CTNNA3: variants seen among roughly 807,000 people sequenced by gnomAD.
CTNNA3 encodes catenin alpha-3.
Under a neutral mutation model 95.7 loss-of-function variants are expected in CTNNA3, and 76 were observed. The ratio of observed to expected loss-of-function variants is 0.79; its 90% CI spans 0.66 to 0.96. The LOEUF is 0.96. CTNNA3 is among the 40% of genes least tolerant of loss of function. The probability of loss-of-function intolerance (pLI) is 0.00; values close to 1 mark genes in which losing one functional copy is unlikely to be tolerated. For synonymous variants in CTNNA3, 431 were observed against 374.4 expected (o/e 1.15, Z -1.74); for missense variants, 1,191 against 1,089.8 (o/e 1.09, Z -1.31).
At chr10:67,665,112 A>C (rs548764468) in intron 1 of CTNNA3, among the ~76,000 whole-genome samples, 1 of 152,308 alleles carries the variant, frequency 6.6e-6, no homozygotes, top group East Asian at 1.9e-4. Flanking sequence ...TTTTTAAATG[A>C]GCTGATGTAA....
At chr10:67,309,013 G>T (rs1218424809) in intron 5 of CTNNA3, among the ~76,000 whole-genome samples, 1 of 151,940 alleles carries the variant, frequency 6.6e-6, no homozygotes, top group East Asian at 1.9e-4. Flanking sequence ...TCATATAATT[G>T]TGACTGCTGA....
At chr10:66,772,266 A>C (rs1326177413) in intron 8 of CTNNA3, among the ~76,000 whole-genome samples, 1 of 151,924 alleles carries the variant, frequency 6.6e-6, no homozygotes, top group African/African-American at 2.4e-5. Context: ...TCTACTAAAA[A>C]TACAAAAAAG....
At chr10:66,939,415 T>C (rs750217922) in intron 7 of CTNNA3, among the ~76,000 whole-genome samples, 1 of 152,144 alleles carries the variant, frequency 6.6e-6, no homozygotes, top group African/African-American at 2.4e-5. Context: ...AAAAGGAAAA[T>C]ACTAATAGTT....
intron 13 of CTNNA3, among the ~76,000 whole-genome samples, chr10:66,136,631 C>T (rs1428020217): frequency 1.3e-5 from 2 of 152,026 alleles, no homozygotes; most frequent in African/African-American, 2.4e-5. Flanking sequence ...GTAGCATTTG[C>T]CAATTCTTGC....
At chr10:66,497,617 T>C (rs1004301522) in intron 11 of CTNNA3, among the ~76,000 whole-genome samples, 2 of 152,080 alleles carry the variant, frequency 1.3e-5, no homozygotes, top group African/African-American at 4.8e-5. Context: ...ATAGGGCTAA[T>C]GTTTCATTTA....
intron 11 of CTNNA3, among the ~76,000 whole-genome samples, chr10:66,424,710 T>A (rs1039534895): frequency 1.3e-5 from 2 of 152,176 alleles, no homozygotes; most frequent in African/African-American, 4.8e-5. Context: ...TAATATGTAG[T>A]CAACTTTCAT....
intron 13 of CTNNA3, among the ~76,000 whole-genome samples, chr10:66,111,297 C>T (rs2082111086): frequency 6.6e-6 from 1 of 152,162 alleles, no homozygotes; most frequent in African/African-American, 2.4e-5. Flanking sequence ...TTGTAAGTTT[C>T]CTGAGGCCCC....
intron 11 of CTNNA3, among the ~76,000 whole-genome samples, chr10:66,519,215 AAACTT>A (rs1210832566): frequency 6.6e-6 from 1 of 152,164 alleles, no homozygotes; most frequent in Non-Finnish European, 1.5e-5. Flanking sequence ...AACACAAACA[AAACTT>A]GAATTATGCT....
At chr10:66,642,459 G>A (rs577132856) in intron 9 of CTNNA3, among the ~76,000 whole-genome samples, 1 of 152,110 alleles carries the variant, frequency 6.6e-6, no homozygotes, top group East Asian at 1.9e-4. Context: ...AGTATGAACC[G>A]CTGCCAAGAT....
chr10:67,089,459 G>C (rs1462502866), intron 7 of CTNNA3, among the ~76,000 whole-genome samples: 1 of 151,802 alleles, frequency 6.6e-6, no homozygotes. Context: ...TTAACCATTG[G>C]AATGCTAAAG....
At chr10:66,606,354 A>C (rs1224684953) in intron 10 of CTNNA3, among the ~76,000 whole-genome samples, 1 of 152,106 alleles carries the variant, frequency 6.6e-6, no homozygotes. Flanking sequence ...ACAGTATTAG[A>C]TCATTGAGGC....
At chr10:66,987,302 G>A (rs1319699774) in intron 7 of CTNNA3, among the ~76,000 whole-genome samples, 1 of 152,182 alleles carries the variant, frequency 6.6e-6, no homozygotes, top group Non-Finnish European at 1.5e-5. Flanking sequence ...CAGAATTAGA[G>A]AGACAGTTAT....
chr10:67,425,090 T>A (rs1473678438), intron 5 of CTNNA3, among the ~76,000 whole-genome samples: 1 of 152,142 alleles, frequency 6.6e-6, no homozygotes, highest in East Asian at 1.9e-4. Flanking sequence ...ATAAATTACA[T>A]GTAATAAAAG....
At chr10:66,390,901 TC>T (rs2092928715) in intron 11 of CTNNA3, among the ~76,000 whole-genome samples, 1 of 152,118 alleles carries the variant, frequency 6.6e-6, no homozygotes, top group Non-Finnish European at 1.5e-5. Flanking sequence ...ACCTCCTAAA[TC>T]CTTTCTTCTG....
At chr10:66,902,648 GAAGAA>G (rs1845803760) in intron 7 of CTNNA3, among the ~76,000 whole-genome samples, 2 of 152,078 alleles carry the variant, frequency 1.3e-5, no homozygotes, top group Admixed American at 1.3e-4. Context: ...GACAAATAAA[GAAGAA>G]AAGAGAGAAG....
chr10:67,395,878 T>C (rs2394375), intron 5 of CTNNA3, among the ~76,000 whole-genome samples: 27,108 of 152,090 alleles, frequency 0.18, 3,463 homozygotes, highest in African/African-American at 0.34. Context: ...CTCAAGGCAA[T>C]AATTAGTTTA....
intron 1 of CTNNA3, among the ~76,000 whole-genome samples, chr10:67,711,394 T>C (rs974484554): frequency 5.9e-5 from 9 of 152,144 alleles, no homozygotes; most frequent in Non-Finnish European, 5.9e-5. Context: ...AAAATGATGA[T>C]AATGATATGG....
chr10:67,223,092 A>G (rs1458239236), intron 5 of CTNNA3, among the ~76,000 whole-genome samples: 1 of 152,234 alleles, frequency 6.6e-6, no homozygotes, highest in Non-Finnish European at 1.5e-5. Context: ...AAAAAGGACT[A>G]GATCAGTGAA....
chr10:66,573,568 C>A lies in CTNNA3; in HGVS notation c.1374+48124G>T, dbSNP rs537533082. ...ATATAACAAATACATATGAGAAATTCTTCTTTATGGCTTATTCTATTGAAT... is the reference window on the plus strand; with the variant it reads ...ATATAACAAATACATATGAGAAATTATTCTTTATGGCTTATTCTATTGAAT... On this transcript the variant is annotated intron_variant, in intron 10 of 17. Transcript: ENST00000433211. Among the ~76,000 whole-genome samples, 6 of 152,110 alleles carry A rather than the reference C, an allele frequency of 3.9e-5. No homozygotes were observed. The East Asian group carries it at 5.8e-4, about 15-fold the overall frequency.
Sources: gnomAD v4.1 joint callset for allele counts (sites outside exome capture counted in the v4.1 genomes callset) on GRCh38, gnomAD v4.1.1 for gene constraint, MANE v1.5 for transcripts, NCBI Gene and HGNC (gene_info 2026-07-23, HGNC 2026-07-21) for gene names.